Variants in SNIP1 observed in about 807,000 individuals in gnomAD.
SNIP1 encodes Smad nuclear interacting protein 1, also known as smad nuclear-interacting protein 1.
Under a neutral mutation model 37.4 loss-of-function variants are expected in SNIP1, and 23 were observed. That is an observed-to-expected ratio of 0.61 (90% confidence interval 0.44 to 0.87). The LOEUF (loss-of-function observed/expected upper bound fraction) is 0.87. Ranked by LOEUF, SNIP1 falls within the 40% of genes least tolerant of loss-of-function variation. The pLI is 0.00. For missense variants in SNIP1, 459 were observed against 540.4 expected (o/e 0.85, Z 1.49); for synonymous variants, 174 against 200.0 (o/e 0.87, Z 1.10).
In SNIP1 at chr1:37,537,885, G is replaced by A. The variant is rs1643118461; in HGVS notation, c.1054C>T (p.Leu352=). 1 of 1,614,004 alleles carries A rather than the reference G, an allele frequency of 6.2e-7. No individual in the cohort carries two copies. The highest frequency in any genetic ancestry group is 1.7e-5 in the Admixed American group (1 of 59,988). The change falls in exon 4 of 4, where the codon CTA becomes TTA. Residue 352 remains leucine (L), a synonymous_variant. Coordinates refer to ENST00000296215, the MANE Select transcript of SNIP1 (RefSeq NM_024700.4). ...AATTTGAGTACATCCTTTTCTTTTA[G>A]TTCATAGTATCTCTGTGGCTCAATA... is the stretch of plus-strand genomic sequence containing the variant. ...KRIEPQRYYE[L]KEKDVLKFGF... is the part of the protein sequence containing the mutation.
At chr1:37,550,047 A>C (rs1328344695) in intron 2 of SNIP1, among the ~76,000 whole-genome samples, 2 of 152,172 alleles carry the variant, frequency 1.3e-5, no homozygotes, top group Admixed American at 6.6e-5. Context: ...GGCAAAAAAA[A>C]CAAAAACAAA....
intron 2 of SNIP1, chr1:37,545,067 A>G (rs754462827): frequency 6.7e-6 from 5 of 749,616 alleles, no homozygotes; most frequent in Non-Finnish European, 9.8e-6. Flanking sequence ...CATGCATTAC[A>G]TTTGGAAAAA....
rs968208335 is a variant in SNIP1, at chr1:37,536,002, G to C, written c.*1746C>G. On this transcript the variant is annotated 3_prime_UTR_variant, in exon 4 of 4. Transcript: ENST00000296215. ...AATTTTTGTATTTTTAGTAGAGATG[G>C]GGTTTCACCATGTTGGCCAGGTTGG... 1.3e-5 allele frequency: 2 copies of C among 152,050 alleles called. No homozygotes were observed. The highest frequency in any genetic ancestry group is 2.4e-5 in the African/African-American group (1 of 41,396). 9.4% of individuals were successfully genotyped at this position (152,050 alleles called of 1,614,324 possible).
intron 2 of SNIP1, chr1:37,541,028 A>G: frequency 3.1e-6 from 1 of 325,886 alleles, no homozygotes; most frequent in East Asian, 4.9e-5. Flanking sequence ...TTAGTCCAGA[A>G]AGGAGAAGGA....
chr1:37,546,151 C>A (rs868754945), intron 2 of SNIP1, among the ~76,000 whole-genome samples: 1,496 of 148,860 alleles, frequency 0.01, 17 homozygotes, highest in Middle Eastern at 0.031. Flanking sequence ...TAAGACCCCC[C>A]CCCCCCCCGC....
chr1:37,554,115 C>T lies in SNIP1; in HGVS notation c.115G>A (p.Ala39Thr), dbSNP rs766348411. The change falls in exon 1 of 4, where the codon GCA (alanine) becomes ACA (threonine). Residue 39 changes from alanine to threonine, a missense_variant. Physicochemically the swap from Ala to Thr is moderately conservative, Grantham distance 58 (BLOSUM62 0). Transcript: ENST00000296215. ...TCCGGACGGCGGTGGGCGGGAGGTG[C>T]GACTTCTGGGCTGAGACGCTCCTGC... ...VKQERLSPEVAPPAHRRPDHS... is the reference protein window; with the variant it reads ...VKQERLSPEVTPPAHRRPDHS... 3.7e-6 allele frequency: 6 copies of T among 1,612,534 alleles called. No individual in the cohort carries two copies. In the South Asian group the frequency reaches 6.6e-5, roughly 18 times the overall value.
chr1:37,539,033 A>G (rs1047447014), intron 3 of SNIP1, among the ~76,000 whole-genome samples: 1 of 152,132 alleles, frequency 6.6e-6, no homozygotes, highest in African/African-American at 2.4e-5. Flanking sequence ...TCCTTACGAG[A>G]ATCTAATGCC....
chr1:37,540,256 T>C lies in SNIP1; in HGVS notation c.827A>G (p.His276Arg). 6.2e-7 allele frequency: 1 copy of C among 1,614,178 alleles called. No homozygotes were observed. The highest frequency in any genetic ancestry group is 1.6e-4 in the Middle Eastern group (1 of 6,062). The change falls in exon 3 of 4, where the codon CAT (histidine) becomes CGT (arginine). Residue 276 changes from histidine to arginine, a missense_variant. Physicochemically the swap from His to Arg is conservative, Grantham distance 29. Transcript: ENST00000296215. This position sits in a 1 kb window ranked among gnomAD's most constrained non-coding sequence, Gnocchi z 5.6. The part of the protein sequence containing the change: ...NDEVLPVMYI[H>R]RQSAYLLGRH... ...ACCCAGTAGGTACGCACTCTGTCGA[T>C]GTATGTACATGACTGGAAGCACCTC...
At chr1:37,550,646 G>A (rs1333468489) in intron 2 of SNIP1, among the ~76,000 whole-genome samples, 1 of 152,108 alleles carries the variant, frequency 6.6e-6, no homozygotes, top group East Asian at 1.9e-4. Flanking sequence ...GGCTGAGGTT[G>A]CAATGAGCTG....
intron 2 of SNIP1, among the ~76,000 whole-genome samples, chr1:37,550,049 AAAAACAAAACAAAAC>A (rs377334557): frequency 3.9e-5 from 6 of 152,132 alleles, no homozygotes; most frequent in South Asian, 2.1e-4. Flanking sequence ...CAAAAAAAAC[AAAAACAAAACAAAAC>A]AAAACAAAAC....
chr1:37,540,915 T>C lies in SNIP1; in HGVS notation c.328-160A>G. 8 of 663,220 alleles carry C rather than the reference T, an allele frequency of 1.2e-5. No individual in the cohort carries two copies. In the South Asian group the frequency reaches 1.6e-4, roughly 13 times the overall value. 41.1% of individuals were successfully genotyped at this position (663,220 alleles called of 1,614,324 possible). A position where few individuals can be genotyped will look rare whatever the true frequency, so the allele number is the denominator to read the frequency against. ...CAGAAATAAGATTATGTCTGGTGGT[T>C]ATGTTCCCTCGCAAGGCCACAAAGA... On this transcript the variant is annotated intron_variant, in intron 2 of 3. Transcript: ENST00000296215. The surrounding 1 kb of genome is among the most constrained non-coding windows in gnomAD (Gnocchi z 5.6).
chr1:37,547,215 G>T (rs1243383207), intron 2 of SNIP1, among the ~76,000 whole-genome samples: 1 of 152,164 alleles, frequency 6.6e-6, no homozygotes, highest in Non-Finnish European at 1.5e-5. Flanking sequence ...CACGTGACTG[G>T]TGACCTTGGA....
In SNIP1 at chr1:37,540,350, T is replaced by C; in HGVS notation, c.733A>G (p.Lys245Glu). The change falls in exon 3 of 4, where the codon AAA becomes GAA. Residue 245 changes from lysine to glutamate, a missense_variant. Coordinates refer to ENST00000296215, the MANE Select transcript of SNIP1 (RefSeq NM_024700.4). This position sits in a 1 kb window ranked among gnomAD's most constrained non-coding sequence, Gnocchi z 5.6. ...DTNTFRGVVI[K>E]YSEPPEARIP... ...CGTGCTTCTGGGGGCTCACTATATTTAATGACTACACCCCGGAAAGTGTTG... is the reference window on the plus strand; with the variant it reads ...CGTGCTTCTGGGGGCTCACTATATTCAATGACTACACCCCGGAAAGTGTTG... 2.5e-6 allele frequency: 4 copies of C among 1,614,122 alleles called. No individual in the cohort carries two copies. Among genetic ancestry groups the C allele is most frequent in the Non-Finnish European group, 3.4e-6 (4 of 1,180,016 alleles).
At chr1:37,544,761 C>A in intron 2 of SNIP1, 3 of 700,724 alleles carry the variant, frequency 4.3e-6, no homozygotes, top group East Asian at 5.4e-5. Flanking sequence ...GTGGCCACCA[C>A]CATGACGACT....
At chr1:37,553,543 A>G (rs1159068515) in intron 1 of SNIP1, among the ~76,000 whole-genome samples, 2 of 152,184 alleles carry the variant, frequency 1.3e-5, no homozygotes, top group African/African-American at 4.8e-5. Context: ...CAGTAAAACT[A>G]TGGTGAATGA....
In SNIP1 at chr1:37,554,046, G is replaced by A. The variant is rs754074059; in HGVS notation, c.184C>T (p.Arg62Cys). ...SPSPPTSEPA[R>C]SGHRGNRARG... ...GCTCGGTTCCCGCGGTGGCCCGAGC[G>A]GGCCGGCTCGCTGGTCGGCGGAGAC... Residue 62 changes from arginine to cysteine, a missense_variant, in exon 1 of 4, where the codon CGC becomes TGC. Physicochemically the swap from Arg to Cys is radical, Grantham distance 180. Transcript: ENST00000296215. 38 of 1,585,706 alleles carry A rather than the reference G, an allele frequency of 2.4e-5. No homozygotes were observed. The highest frequency in any genetic ancestry group is 6.9e-5 in the East Asian group (3 of 43,376).
chr1:37,552,055 A>G (rs981912204), intron 2 of SNIP1, among the ~76,000 whole-genome samples: 2 of 152,256 alleles, frequency 1.3e-5, no homozygotes, highest in African/African-American at 4.8e-5. Flanking sequence ...GAAATGGAAC[A>G]AACTACTGAG....
rs770031288 is a variant in SNIP1 at position 37,552,649 on chromosome 1, T to A, written c.323A>T (p.Lys108Met). ...RSPHHSTVKV[K>M]QEREDHPRRG... is the part of the protein sequence containing the mutation. ...AAAACACCCCAATCCACTTACCTGC[T>A]TCACTTTGACTGTTGAGTGGTGAGG... Residue 108 changes from lysine (K) to methionine (M), a missense_variant, in exon 2 of 4, where the codon AAG becomes ATG. Coordinates refer to ENST00000296215, the MANE Select transcript of SNIP1 (RefSeq NM_024700.4). 4 of 1,613,922 alleles carry A rather than the reference T, an allele frequency of 2.5e-6. No individual in the cohort carries two copies. Among genetic ancestry groups the A allele is most frequent in the Non-Finnish European group, 3.4e-6 (4 of 1,179,766 alleles).
chr1:37,544,206 G>A (rs1226100123), intron 2 of SNIP1, among the ~76,000 whole-genome samples: 1 of 151,820 alleles, frequency 6.6e-6, no homozygotes, highest in Non-Finnish European at 1.5e-5. Flanking sequence ...TAGCACTTTG[G>A]GAGGCTGAGG....
Sources: allele counts gnomAD v4.1 joint callset (sites outside exome capture counted in the v4.1 genomes callset), GRCh38; gene constraint gnomAD v4.1.1; non-coding constraint Gnocchi (gnomAD v3.1); transcripts MANE v1.5; gene names NCBI Gene and HGNC (gene_info 2026-07-23, HGNC 2026-07-21).